DNAJC7: variants seen among roughly 807,000 people sequenced by gnomAD.
DNAJC7 encodes the protein dnaJ homolog subfamily C member 7.
A neutral mutation model predicts 67.4 loss-of-function variants in DNAJC7; 18 were observed. The observed-to-expected ratio is 0.27, with a 90% CI of 0.18 to 0.40. The LOEUF (loss-of-function observed/expected upper bound fraction) is 0.40. DNAJC7 is among the 10% of genes least tolerant of loss of function. The pLI is 1.00. For synonymous variants in DNAJC7, 220 were observed against 207.8 expected, an observed-to-expected ratio of 1.06 and a Z score of -0.50; for missense variants, 419 against 613.8, an observed-to-expected ratio of 0.68 and a Z score of 3.35.
At chr17:42,002,906 T>C (rs576377245) in intron 1 of DNAJC7, among the ~76,000 whole-genome samples, 1 of 152,314 alleles carries the variant, frequency 6.6e-6, no homozygotes, top group East Asian at 1.9e-4. Flanking sequence ...CTAAATGACA[T>C]TCCTAACAAT....
intron 1 of DNAJC7, chr17:42,013,739 T>C (rs185650218): frequency 6.6e-6 from 1 of 152,380 alleles, no homozygotes; most frequent in East Asian, 1.9e-4. Flanking sequence ...CCATCCCATT[T>C]TCAGCACTGG....
intron 1 of DNAJC7, among the ~76,000 whole-genome samples, chr17:42,008,051 G>A (rs2052016983): frequency 6.6e-6 from 1 of 151,688 alleles, no homozygotes; most frequent in South Asian, 2.1e-4. Flanking sequence ...GGTGGCTCAT[G>A]TCTATAATCC....
intron 1 of DNAJC7, among the ~76,000 whole-genome samples, chr17:42,004,334 G>T (rs1555649864): frequency 6.6e-6 from 1 of 152,166 alleles, no homozygotes; most frequent in Non-Finnish European, 1.5e-5. Context: ...AGCTAGTGAG[G>T]CAACCAAGAT....
At chr17:42,012,681 T>C (rs1223872643) in intron 1 of DNAJC7, among the ~76,000 whole-genome samples, 1 of 152,240 alleles carries the variant, frequency 6.6e-6, no homozygotes, top group Non-Finnish European at 1.5e-5. Context: ...ACATCTGAAG[T>C]TTAACCCTCT....
rs1290654018 is a variant in DNAJC7, at chr17:42,007,876, G to A, written c.78-7306C>T. Among the ~76,000 whole-genome samples, 54 of 106,742 alleles carry A rather than the reference G, an allele frequency of 5.1e-4. No individual in the cohort carries two copies. The Admixed American group carries it at 6.1e-3, about 12-fold the overall frequency. 70.0% of individuals were successfully genotyped at this position (106,742 alleles called of 152,430 possible). On this transcript the variant is annotated intron_variant, in intron 1 of 13. Transcript: ENST00000457167. ...TTTTTTTTTTTTGAGACAGAATTTC[G>A]CTCTTGTTGCCCAGGCTGGAGTGCA...
intron 1 of DNAJC7, 29 bp from the exon 2 acceptor site, chr17:42,000,599 T>C: frequency 1.9e-6 from 3 of 1,553,538 alleles, no homozygotes; most frequent in African/African-American, 1.4e-5. Flanking sequence ...GAGAATCATG[T>C]TACTTTACAA....
chr17:41,989,229 A>T (rs2051453072), intron 7 of DNAJC7, among the ~76,000 whole-genome samples, 175 bp downstream of exon 7: 1 of 152,246 alleles, frequency 6.6e-6, no homozygotes, highest in Admixed American at 6.5e-5. Flanking sequence ...GATCACATCT[A>T]CCTTTAGGTA....
intron 1 of DNAJC7, chr17:42,011,910 TG>T (rs1395208896): frequency 6.6e-6 from 1 of 152,138 alleles, no homozygotes; most frequent in Non-Finnish European, 1.5e-5. Context: ...ACCCGGGACA[TG>T]AATTGAGAGT....
chr17:42,001,444 C>T (rs1213737434), intron 1 of DNAJC7, among the ~76,000 whole-genome samples: 5 of 152,112 alleles, frequency 3.3e-5, no homozygotes, highest in East Asian at 1.9e-4. Flanking sequence ...ATTAGATTCC[C>T]GAGCAAGTAC....
At chr17:41,995,040 TA>T in intron 4 of DNAJC7, 96 bp from the exon 5 acceptor site, 1 of 1,010,000 alleles carries the variant, frequency 9.9e-7, no homozygotes, top group Non-Finnish European at 1.6e-6. Context: ...TTGAATTCAG[TA>T]AATATACCAC....
chr17:41,994,458 G>A (rs2051600651), intron 5 of DNAJC7, among the ~76,000 whole-genome samples: 1 of 150,738 alleles, frequency 6.6e-6, no homozygotes, highest in South Asian at 2.1e-4. Flanking sequence ...TTGAACCCGG[G>A]AGGCGGAGGT....
At position 41,977,415 on chromosome 17, in the gene DNAJC7, A is replaced by C; in HGVS notation, c.1385-92T>G. The C allele has an allele frequency of 3.3e-6, 4 of 1,203,180 alleles. No individual in the cohort carries two copies. In the Middle Eastern group the frequency reaches 7.6e-4, roughly 229 times the overall value. The allele number at this position is 1,203,180 out of a possible 1,614,324, so 74.5% of individuals were successfully genotyped here. A position where few individuals can be genotyped will look rare whatever the true frequency, so the allele number is the denominator to read the frequency against. On this transcript the variant is annotated intron_variant, in intron 12 of 13. Transcript: ENST00000457167. Reference sequence around the variant, plus strand: ...CTGATGACACTGAGAACAGATCTCCAAAGCTTTCCTGGAGAGTCTCACTCC... The same window carrying C: ...CTGATGACACTGAGAACAGATCTCCCAAGCTTTCCTGGAGAGTCTCACTCC...
At chr17:41,977,429 G>A in intron 12 of DNAJC7, 106 bp from the exon 13 acceptor site, 1 of 1,037,142 alleles carries the variant, frequency 9.6e-7, no homozygotes, top group Non-Finnish European at 1.4e-6. Context: ...CTTTCCTGGA[G>A]AGTCTCACTC....
At chr17:42,008,591 T>C (rs1207305646) in intron 1 of DNAJC7, among the ~76,000 whole-genome samples, 3 of 151,876 alleles carry the variant, frequency 2.0e-5, no homozygotes, top group Non-Finnish European at 4.4e-5. Context: ...TTTGTATTTT[T>C]AGTAGAGACG....
intron 7 of DNAJC7, 54 bp from the exon 8 acceptor site, chr17:41,988,950 T>C (rs962492401): frequency 5.7e-6 from 9 of 1,588,858 alleles, no homozygotes; most frequent in East Asian, 2.3e-5. Context: ...CCTCAGACCA[T>C]TGCACAGAGA....
chr17:41,987,798 C>A (rs782385086), intron 9 of DNAJC7, 21 bp downstream of exon 9: 3 of 1,587,718 alleles, frequency 1.9e-6, no homozygotes, highest in Admixed American at 1.8e-5. Context: ...CCTCTTCCCC[C>A]TACCCATCAG....
At position 41,989,386 on chromosome 17, in the gene DNAJC7, C is replaced by A; in HGVS notation, c.753+18G>T. The A allele has an allele frequency of 6.2e-7, 1 of 1,612,852 alleles. No homozygotes were observed. Among genetic ancestry groups the A allele is most frequent in the South Asian group, 1.1e-5 (1 of 90,944 alleles). On this transcript the variant is annotated intron_variant, in intron 7 of 13. Coordinates refer to ENST00000457167, the MANE Select transcript of DNAJC7 (RefSeq NM_003315.4). ...AAAGGAAGCTCTTTCCCAGTTAGGT[C>A]TGGTGACTAGAACTTACTCTGCAGG...
intron 12 of DNAJC7, among the ~76,000 whole-genome samples, chr17:41,981,397 T>C (rs2051247182): frequency 6.6e-6 from 1 of 152,236 alleles, no homozygotes; most frequent in South Asian, 2.1e-4. Context: ...GGTTTCACCA[T>C]GTTGGCCAGG....
In DNAJC7 at chr17:41,988,876, T is replaced by C. The variant is rs782125002; in HGVS notation, c.774A>G (p.Ala258=). 3 of 1,613,594 alleles carry C rather than the reference T, an allele frequency of 1.9e-6. No homozygotes were observed. The South Asian group carries it at 3.3e-5, about 18-fold the overall frequency. Reference sequence around the variant, plus strand: ...ATGCTTTATTCCCATCTTCTTTCTTTGCTTTGAGTGCTTTGGCATTCTACA... The same window carrying C: ...ATGCTTTATTCCCATCTTCTTTCTTCGCTTTGAGTGCTTTGGCATTCTACA... The part of the protein sequence containing the change: ...IACRNAKALK[A]KKEDGNKAFK... The change falls in exon 8 of 14, where the codon GCA becomes GCG. Residue 258 remains alanine, a synonymous_variant. Coordinates refer to ENST00000457167, the MANE Select transcript of DNAJC7 (RefSeq NM_003315.4).
Sources: gnomAD v4.1 joint callset for allele counts (sites outside exome capture counted in the v4.1 genomes callset) on GRCh38, gnomAD v4.1.1 for gene constraint, MANE v1.5 for transcripts, NCBI Gene and HGNC (gene_info 2026-07-23, HGNC 2026-07-21) for gene names.